The following PTPRD variants were observed in gnomAD, a reference collection of about 807,000 sequenced individuals.
The protein encoded by PTPRD is receptor-type tyrosine-protein phosphatase delta.
PTPRD carries 34 observed loss-of-function variants against 214.5 expected under a neutral mutation model. That is an observed-to-expected ratio of 0.16 (90% CI 0.12 to 0.21). PTPRD has a LOEUF of 0.21. Ranked by LOEUF, PTPRD falls within the 10% of genes least tolerant of loss-of-function variation. The pLI is 1.00. For synonymous variants in PTPRD, 1,128 were observed against 845.7 expected, an observed-to-expected ratio of 1.33 and a Z score of -5.79; for missense variants, 2,545 against 2,398.7, an observed-to-expected ratio of 1.06 and a Z score of -1.27.
At chr9:9,507,583 A>G (rs929539945) in intron 8 of PTPRD, among the ~76,000 whole-genome samples, 1 of 151,474 alleles carries the variant, frequency 6.6e-6, no homozygotes, top group African/African-American at 2.4e-5. Flanking sequence ...AAGGAAGAAA[A>G]ATTATGAATG....
At chr9:9,861,966 A>G (rs1327875825) in intron 5 of PTPRD, among the ~76,000 whole-genome samples, 1 of 152,164 alleles carries the variant, frequency 6.6e-6, no homozygotes, top group African/African-American at 2.4e-5. Context: ...GGTTATTTCC[A>G]TTTTTTATTA....
At chr9:8,365,758 T>C (rs10758961) in intron 39 of PTPRD, among the ~76,000 whole-genome samples, 87,380 of 152,058 alleles carry the variant, frequency 0.57, 30,129 homozygotes, top group Non-Finnish European at 0.78. Context: ...TCAAAAGGCC[T>C]TGTAGCTTCC....
At chr9:9,269,749 C>T (rs1941996733) in intron 9 of PTPRD, among the ~76,000 whole-genome samples, 1 of 151,120 alleles carries the variant, frequency 6.6e-6, no homozygotes, top group Non-Finnish European at 1.5e-5. Context: ...GTGAAATTAG[C>T]TGGACATAGA....
chr9:9,643,895 G>T (rs1351154409), intron 7 of PTPRD, among the ~76,000 whole-genome samples: 2 of 152,004 alleles, frequency 1.3e-5, no homozygotes, highest in African/African-American at 4.8e-5. Flanking sequence ...TTTAACCACT[G>T]CCCGCTAAAG....
At chr9:9,509,137 T>C (rs1447921613) in intron 8 of PTPRD, among the ~76,000 whole-genome samples, 2 of 151,734 alleles carry the variant, frequency 1.3e-5, no homozygotes, top group East Asian at 1.9e-4. Context: ...AAGTAGATTA[T>C]GGGGAGCAAT....
chr9:9,782,167 A>T (rs1050301596), intron 5 of PTPRD, among the ~76,000 whole-genome samples: 2 of 151,634 alleles, frequency 1.3e-5, no homozygotes, highest in African/African-American at 4.8e-5. Flanking sequence ...TTTTCCAGAA[A>T]TTTTCATAAT....
intron 3 of PTPRD, among the ~76,000 whole-genome samples, chr9:10,130,927 T>C (rs918313932): frequency 5.9e-5 from 9 of 152,010 alleles, no homozygotes; most frequent in East Asian, 1.9e-4. Flanking sequence ...CTTCTTAGAA[T>C]AGAGGAGACT....
At chr9:8,360,332 C>G (rs1318308433) in intron 39 of PTPRD, among the ~76,000 whole-genome samples, 1 of 152,164 alleles carries the variant, frequency 6.6e-6, no homozygotes, top group Non-Finnish European at 1.5e-5. Context: ...ATATTAAAAA[C>G]ACTAAATCTG....
intron 11 of PTPRD, among the ~76,000 whole-genome samples, chr9:8,794,628 G>C (rs894436639): frequency 1.2e-4 from 18 of 150,648 alleles, no homozygotes; most frequent in African/African-American, 4.2e-4. Flanking sequence ...ACAGGCATGT[G>C]TCATGGCCCC....
At chr9:9,441,363 A>G (rs538622943) in intron 8 of PTPRD, among the ~76,000 whole-genome samples, 1 of 152,262 alleles carries the variant, frequency 6.6e-6, no homozygotes, top group Non-Finnish European at 1.5e-5. Flanking sequence ...GGAAGAAGAC[A>G]GGTAAAAAGG....
chr9:9,212,309 A>C (rs2099949288), intron 9 of PTPRD, among the ~76,000 whole-genome samples: 1 of 152,138 alleles, frequency 6.6e-6, no homozygotes, highest in South Asian at 2.1e-4. Context: ...AATATCACTA[A>C]TACACATCAA....
chr9:9,325,916 T>C (rs934723978), intron 9 of PTPRD, among the ~76,000 whole-genome samples: 4 of 152,206 alleles, frequency 2.6e-5, no homozygotes, highest in South Asian at 2.1e-4. Context: ...CTGTTGAACT[T>C]TGTCAAAGGC....
intron 11 of PTPRD, among the ~76,000 whole-genome samples, chr9:8,834,518 C>T (rs1047162099): frequency 8.5e-5 from 13 of 152,088 alleles, no homozygotes; most frequent in South Asian, 2.1e-4. Context: ...GGAGGAATTA[C>T]GGCAAAGGTA....
rs903602265 is a variant in PTPRD at position 8,724,895 on chromosome 9, G to A, written c.64+8885C>T. Among the ~76,000 whole-genome samples the A allele has an allele frequency of 3.9e-5, 6 of 152,086 alleles. No homozygotes were observed. In the East Asian group the frequency reaches 5.8e-4, roughly 15 times the overall value. ...AGAAGGTGCAGTGAGCCGAGATCGCGTCACTGCACTCCAGCCTGGATAACA... is the reference window on the plus strand; with the variant it reads ...AGAAGGTGCAGTGAGCCGAGATCGCATCACTGCACTCCAGCCTGGATAACA... On this transcript the variant is annotated intron_variant, in intron 12 of 45. Coordinates refer to ENST00000381196, the MANE Select transcript of PTPRD (RefSeq NM_002839.4).
intron 3 of PTPRD, among the ~76,000 whole-genome samples, chr9:10,151,154 G>C (rs1419872984): frequency 6.8e-6 from 1 of 147,694 alleles, no homozygotes; most frequent in Non-Finnish European, 1.5e-5. Flanking sequence ...TTTGCCTCTG[G>C]AGTTCAAGCG....
At chr9:8,583,133 G>C (rs1388068245) in intron 14 of PTPRD, among the ~76,000 whole-genome samples, 3 of 152,098 alleles carry the variant, frequency 2.0e-5, no homozygotes, top group African/African-American at 7.2e-5. Flanking sequence ...GCACCACCTA[G>C]ATCCCTCACA....
chr9:8,909,195 A>G (rs1303915032), intron 11 of PTPRD, among the ~76,000 whole-genome samples: 1 of 152,058 alleles, frequency 6.6e-6, no homozygotes, highest in Non-Finnish European at 1.5e-5. Flanking sequence ...AATTATATCA[A>G]TTCACCATTT....
intron 14 of PTPRD, among the ~76,000 whole-genome samples, chr9:8,618,001 C>T (rs942668263): frequency 1.5e-4 from 23 of 152,054 alleles, no homozygotes; most frequent in African/African-American, 5.3e-4. Flanking sequence ...TTTTTAATTG[C>T]CATTTCTTTT....
At chr9:9,002,351 G>A (rs946172298) in intron 11 of PTPRD, among the ~76,000 whole-genome samples, 2 of 151,874 alleles carry the variant, frequency 1.3e-5, no homozygotes, top group Non-Finnish European at 2.9e-5. Context: ...TTAAAAGAAA[G>A]CTAAGTAATG....
Sources: allele counts gnomAD v4.1 joint callset (sites outside exome capture counted in the v4.1 genomes callset), GRCh38; gene constraint gnomAD v4.1.1; transcripts MANE v1.5; gene names NCBI Gene and HGNC (gene_info 2026-07-23, HGNC 2026-07-21).